Variants in ULK2 observed in about 807,000 individuals in gnomAD.
ULK2 encodes the protein serine/threonine-protein kinase ULK2.
ULK2 carries 76 observed loss-of-function variants against 127.5 expected under a neutral mutation model. That is an observed-to-expected ratio of 0.60 (90% CI 0.50 to 0.72). The LOEUF is 0.72. Ranked by LOEUF, ULK2 falls within the 30% of genes least tolerant of loss-of-function variation. The pLI, the probability that ULK2 is intolerant of heterozygous loss-of-function variation, is 0.00. For missense variants in ULK2, 1,144 were observed against 1,295.9 expected (o/e 0.88, Z 1.80); for synonymous variants, 452 against 461.9 (o/e 0.98, Z 0.28).
At chr17:19,859,145 A>T (rs1038667577) in intron 3 of ULK2, among the ~76,000 whole-genome samples, 16 of 152,298 alleles carry the variant, frequency 1.1e-4, no homozygotes, top group Middle Eastern at 3.4e-3. Flanking sequence ...AATATAATTT[A>T]AAAATGTTTT....
chr17:19,841,932 G>C (rs2041767528), intron 8 of ULK2, among the ~76,000 whole-genome samples: 1 of 152,118 alleles, frequency 6.6e-6, no homozygotes. Context: ...ACTTAGAATA[G>C]ATTAAGGACC....
intron 25 of ULK2, among the ~76,000 whole-genome samples, chr17:19,779,158 C>T (rs1401866763): frequency 3.3e-5 from 5 of 152,006 alleles, no homozygotes; most frequent in South Asian, 2.1e-4. Flanking sequence ...AATAAGGCCA[C>T]GGATGTAATA....
At chr17:19,798,803 C>T (rs1212165173) in intron 17 of ULK2, among the ~76,000 whole-genome samples, 1 of 152,114 alleles carries the variant, frequency 6.6e-6, no homozygotes, top group African/African-American at 2.4e-5. Context: ...TCTTTTCAGG[C>T]AAATACATAT....
At position 19,819,399 on chromosome 17, in the gene ULK2, T is replaced by A. The variant is rs143342484; in HGVS notation, c.925-2479A>T. Among the ~76,000 whole-genome samples, 9 of 152,248 alleles carry A rather than the reference T, an allele frequency of 5.9e-5. No homozygotes were observed. In the South Asian group the frequency reaches 1.0e-3, roughly 18 times the overall value. On this transcript the variant is annotated intron_variant, in intron 12 of 26. Transcript: ENST00000395544. ...TGAGTCTCTTTTGTGAGTACATACT[T>A]CTCATTTGCCCCTCAAAAAGGAGGA...
In ULK2 at chr17:19,779,965, G is replaced by C. The variant is rs2086885429; in HGVS notation, c.2916+507C>G. On this transcript the variant is annotated intron_variant, in intron 25 of 26. Transcript: ENST00000395544. ...AAGGAGGGTGGAACACCTGAGGCCA[G>C]GAGTTGGAAACCACCCTGGCCAACA... is the stretch of plus-strand genomic sequence containing the variant. Among the ~76,000 whole-genome samples the C allele has an allele frequency of 2.0e-5, 3 of 152,120 alleles. No homozygotes were observed. In the South Asian group the frequency reaches 6.2e-4, roughly 32 times the overall value.
At chr17:19,821,007 T>C (rs2041127973) in intron 12 of ULK2, among the ~76,000 whole-genome samples, 1 of 152,118 alleles carries the variant, frequency 6.6e-6, no homozygotes, top group South Asian at 2.1e-4. Context: ...TCGATAAATG[T>C]TATAAAACGA....
intron 16 of ULK2, 137 bp downstream of exon 16, chr17:19,801,640 T>C: frequency 3.6e-6 from 4 of 1,114,310 alleles, no homozygotes; most frequent in South Asian, 3.0e-5. Flanking sequence ...GGGGTAAAGA[T>C]GGAGGGACGG....
intron 10 of ULK2, among the ~76,000 whole-genome samples, chr17:19,836,435 A>T (rs982976819): frequency 6.8e-6 from 1 of 146,970 alleles, no homozygotes; most frequent in African/African-American, 2.5e-5. Flanking sequence ...AAAAAAAATT[A>T]GCCGGGCATG....
chr17:19,841,577 A>C, intron 8 of ULK2, 30 bp from the exon 9 acceptor site: 1 of 1,534,328 alleles, frequency 6.5e-7, no homozygotes, highest in Non-Finnish European at 8.7e-7. Context: ...TTAATTTCCT[A>C]AACAATGGGG....
Position 19,864,792 on chromosome 17 carries a change from A to G in ULK2, c.225+11T>C. 3 of 1,249,750 alleles carry G rather than the reference A, an allele frequency of 2.4e-6. No individual in the cohort carries two copies. Among genetic ancestry groups the G allele is most frequent in the African/African-American group, 1.5e-5 (1 of 65,110 alleles). 77.4% of individuals were successfully genotyped at this position (1,249,750 alleles called of 1,614,324 possible). ...TTATTTTAATTTTTAAAAATTTTCAAAATAAGGTACCTGAACATCATAGAG... is the reference window on the plus strand; with the variant it reads ...TTATTTTAATTTTTAAAAATTTTCAGAATAAGGTACCTGAACATCATAGAG... On this transcript the variant is annotated intron_variant, in intron 3 of 26. Transcript: ENST00000395544.
At chr17:19,834,708 T>C (rs2041547889) in intron 10 of ULK2, among the ~76,000 whole-genome samples, 1 of 152,014 alleles carries the variant, frequency 6.6e-6, no homozygotes, top group African/African-American at 2.4e-5. Context: ...ACCCAGGAGT[T>C]GGCAACCAGC....
Position 19,801,767 on chromosome 17 carries a change from C to T in ULK2, c.1441+10G>A. 1.2e-6 allele frequency: 2 copies of T among 1,609,812 alleles called. No individual in the cohort carries two copies. Among genetic ancestry groups the T allele is most frequent in the East Asian group, 4.5e-5 (2 of 44,854 alleles). ...AAGGTTGAAAACAACTGTTTTTAAA[C>T]TCTACTTACCCAAAGGGGAAGGTGA... is the stretch of plus-strand genomic sequence containing the variant. On this transcript the variant is annotated intron_variant, in intron 16 of 26. Transcript: ENST00000395544.
At chr17:19,783,427 G>A (rs1388943273) in intron 22 of ULK2, among the ~76,000 whole-genome samples, 4 of 152,060 alleles carry the variant, frequency 2.6e-5, no homozygotes, top group Non-Finnish European at 5.9e-5. Context: ...ACTCCAGCCT[G>A]GGTGACAGAG....
At chr17:19,827,910 CAA>C (rs777107343) in intron 10 of ULK2, among the ~76,000 whole-genome samples, 19 of 92,292 alleles carry the variant, frequency 2.1e-4, no homozygotes, top group Non-Finnish European at 2.5e-4. Context: ...AACTCTGTCT[CAA>C]AAAAAAAAAA....
Position 19,775,241 on chromosome 17 carries a change from A to G in ULK2, c.*1108T>C, listed in dbSNP as rs1036320223. ...TTCTCCATGACTAGCTATTTGGTGA[A>G]CTGTCAGAATTAACATGAAAAATAC... is the stretch of plus-strand genomic sequence containing the variant. On this transcript the variant is annotated 3_prime_UTR_variant, in exon 27 of 27. Transcript: ENST00000395544. 9.8e-5 allele frequency: 15 copies of G among 152,648 alleles called. No homozygotes were observed. Among genetic ancestry groups the G allele is most frequent in the African/African-American group, 3.4e-4 (14 of 41,452 alleles). 9.5% of individuals were successfully genotyped at this position (152,648 alleles called of 1,614,324 possible).
intron 4 of ULK2, 37 bp from the exon 5 acceptor site, chr17:19,849,442 A>G (rs979187328): frequency 1.9e-6 from 3 of 1,564,848 alleles, no homozygotes; most frequent in African/African-American, 1.3e-5. Context: ...AAATAAGGAC[A>G]GTGATTCAAG....
chr17:19,863,955 TTTTAA>T (rs915807084), intron 3 of ULK2, among the ~76,000 whole-genome samples: 3 of 152,102 alleles, frequency 2.0e-5, no homozygotes, highest in Non-Finnish European at 4.4e-5. Context: ...GTGACCTTGT[TTTTAA>T]TTTATTTTCT....
At chr17:19,838,474 C>T in intron 10 of ULK2, 27 bp downstream of exon 10, 1 of 1,567,622 alleles carries the variant, frequency 6.4e-7, no homozygotes, top group South Asian at 1.2e-5. Flanking sequence ...AATTAGAAAA[C>T]ATGCAAAAGT....
intron 10 of ULK2, among the ~76,000 whole-genome samples, chr17:19,830,714 T>C (rs2041418278): frequency 6.6e-6 from 1 of 151,646 alleles, no homozygotes; most frequent in African/African-American, 2.4e-5. Flanking sequence ...CTTGTGTTAC[T>C]CTGTTTTCGC....
Sources: gnomAD v4.1 joint callset for allele counts (sites outside exome capture counted in the v4.1 genomes callset) on GRCh38, gnomAD v4.1.1 for gene constraint, MANE v1.5 for transcripts, NCBI Gene and HGNC (gene_info 2026-07-23, HGNC 2026-07-21) for gene names.